The following CTNNB1 variants were observed in gnomAD, a reference collection of about 807,000 sequenced individuals.
CTNNB1 encodes catenin beta 1.
In CTNNB1, 6 loss-of-function variants were observed where a neutral mutation model predicts 82.5. The observed-to-expected ratio is 0.07, with a 90% CI of 0.04 to 0.14. The LOEUF is 0.14. Among genes scored for constraint, CTNNB1 ranks in the 10% least tolerant of loss-of-function variants. The pLI, the probability that CTNNB1 is intolerant of heterozygous loss-of-function variation, is 1.00. For missense variants in CTNNB1, 529 were observed against 980.4 expected (o/e 0.54, Z 6.15); for synonymous variants, 312 against 329.7 (o/e 0.95, Z 0.58).
intron 1 of CTNNB1, among the ~76,000 whole-genome samples, chr3:41,201,554 T>G (rs6792748): frequency 0.021 from 3,227 of 152,240 alleles, 120 homozygotes; most frequent in African/African-American, 0.075. Context: ...GCTGAGACTA[T>G]TCAAGTTTGA....
Position 41,225,488 on chromosome 3 carries a change from C to A in CTNNB1, c.650C>A (p.Thr217Asn), listed in dbSNP as rs2078155555. 2 of 1,613,882 alleles carry A rather than the reference C, an allele frequency of 1.2e-6. No individual in the cohort carries two copies. The highest frequency in any genetic ancestry group is 1.7e-5 in the Admixed American group (1 of 59,914). Residue 217 changes from threonine to asparagine, a missense_variant, in exon 5 of 15, where the codon ACC becomes AAC. Coordinates refer to ENST00000349496, the MANE Select transcript of CTNNB1 (RefSeq NM_001904.4). The surrounding 1 kb of genome is among the most constrained non-coding windows in gnomAD (Gnocchi z 5.3). Reference protein sequence around the residue: ...DVETARCTAGTLHNLSHHREG... With the variant: ...DVETARCTAGNLHNLSHHREG... ...GAAACAGCTCGTTGTACCGCTGGGA[C>A]CTTGCATAACCTTTCCCATCATCGT...
At chr3:41,215,907 G>C (rs1321716675) in intron 1 of CTNNB1, among the ~76,000 whole-genome samples, 1 of 152,144 alleles carries the variant, frequency 6.6e-6, no homozygotes, top group African/African-American at 2.4e-5. Context: ...TGTAGTCACT[G>C]TTGAAAGGAT....
At chr3:41,235,594 T>G in intron 10 of CTNNB1, 130 bp from the exon 11 acceptor site, 1 of 1,234,246 alleles carries the variant, frequency 8.1e-7, no homozygotes, top group East Asian at 2.3e-5. Context: ...GGAATCCTTC[T>G]TCCTTCCTGA....
intron 10 of CTNNB1, chr3:41,235,131 TA>T (rs906982064): frequency 6.5e-6 from 1 of 154,072 alleles, no homozygotes; most frequent in African/African-American, 2.4e-5. Flanking sequence ...TAAAAGCTGC[TA>T]AATGTAGCAG....
At chr3:41,205,568 TG>T (rs2077631551) in intron 1 of CTNNB1, among the ~76,000 whole-genome samples, 1 of 152,032 alleles carries the variant, frequency 6.6e-6, no homozygotes, top group Non-Finnish European at 1.5e-5. Flanking sequence ...CCCAGCTGCT[TG>T]GAAGTCTGAA....
intron 13 of CTNNB1, chr3:41,237,661 C>G: frequency 4.6e-6 from 1 of 217,570 alleles, no homozygotes; most frequent in Non-Finnish European, 9.0e-6. Flanking sequence ...ATAACACATC[C>G]TATCAGCAGC....
intron 9 of CTNNB1, 83 bp downstream of exon 9, chr3:41,233,950 G>C (rs775906920): frequency 3.0e-5 from 45 of 1,479,464 alleles, no homozygotes; most frequent in Non-Finnish European, 4.3e-5. Flanking sequence ...TCTAAGCATA[G>C]TGATCAATAA....
chr3:41,212,268 T>A (rs2077811668), intron 1 of CTNNB1, among the ~76,000 whole-genome samples: 1 of 152,232 alleles, frequency 6.6e-6, no homozygotes. Flanking sequence ...GCCAGATATC[T>A]GGAACTTACA....
At chr3:41,202,127 T>A (rs377709729) in intron 1 of CTNNB1, among the ~76,000 whole-genome samples, 67 of 152,350 alleles carry the variant, frequency 4.4e-4, no homozygotes, top group African/African-American at 1.4e-3. Context: ...AGCAGTGAAA[T>A]TAAATCTCCT....
rs1341814407 is a variant in CTNNB1, at chr3:41,239,562, A to G, written c.*220A>G. 5.2e-6 allele frequency: 3 copies of G among 581,496 alleles called. No individual in the cohort carries two copies. Among genetic ancestry groups the G allele is most frequent in the Non-Finnish European group, 9.2e-6 (3 of 325,884 alleles). The allele number at this position is 581,496 out of a possible 1,614,324, so 36.0% of individuals were successfully genotyped here. ...ATGTGATCATGTGTGGAAGTTATTA[A>G]CTTTAATGTTTTTTGCCACAGCTTT... On this transcript the variant is annotated 3_prime_UTR_variant, in exon 15 of 15. Transcript: ENST00000349496.
rs1431936369 is a variant in CTNNB1 at position 41,199,597 on chromosome 3, C to T, written c.-122C>T. 1 of 152,540 alleles carries T rather than the reference C, an allele frequency of 6.6e-6. No individual in the cohort carries two copies. Among genetic ancestry groups the T allele is most frequent in the African/African-American group, 2.4e-5 (1 of 41,416 alleles). The allele number at this position is 152,540 out of a possible 1,614,324, so 9.4% of individuals were successfully genotyped here. On this transcript the variant is annotated 5_prime_UTR_variant, in exon 1 of 15. Transcript: ENST00000349496. ...CGGAGGAAGGTCTGAGGAGCAGCTTCAGTCCCCGCCGAGCCGCCACCGCAG... is the reference window on the plus strand; with the variant it reads ...CGGAGGAAGGTCTGAGGAGCAGCTTTAGTCCCCGCCGAGCCGCCACCGCAG...
intron 8 of CTNNB1, 28 bp from the exon 9 acceptor site, chr3:41,233,501 T>C: frequency 6.2e-7 from 1 of 1,613,348 alleles, no homozygotes; most frequent in East Asian, 2.2e-5. Context: ...TATGTGCTTG[T>C]ACTGACCATC....
intron 1 of CTNNB1, among the ~76,000 whole-genome samples, chr3:41,216,410 A>G (rs1010610187): frequency 1.3e-5 from 2 of 152,266 alleles, no homozygotes; most frequent in African/African-American, 4.8e-5. Flanking sequence ...CTTTAACAGA[A>G]TAGGAGCTAG....
In CTNNB1 at chr3:41,227,193, T is replaced by C. The variant is rs2125627463; in HGVS notation, c.937-15T>C. On this transcript the variant is annotated splice_polypyrimidine_tract_variant and intron_variant, in intron 6 of 14. Coordinates refer to ENST00000349496, the MANE Select transcript of CTNNB1 (RefSeq NM_001904.4). ...GATTCCTTGACTAACAAGATATATA[T>C]ATATATCTTTCTAGCTCATCATACT... is the stretch of plus-strand genomic sequence containing the variant. 1 of 1,593,894 alleles carries C rather than the reference T, an allele frequency of 6.3e-7. No homozygotes were observed. Among genetic ancestry groups the C allele is most frequent in the Non-Finnish European group, 8.6e-7 (1 of 1,162,146 alleles).
chr3:41,223,554 A>ATT (rs1553629787), intron 1 of CTNNB1, among the ~76,000 whole-genome samples: 1 of 152,140 alleles, frequency 6.6e-6, no homozygotes, highest in Non-Finnish European at 1.5e-5. Flanking sequence ...TGATGGCACT[A>ATT]TATCAGAAAA....
At chr3:41,232,055 TG>T (rs1453431028) in intron 7 of CTNNB1, among the ~76,000 whole-genome samples, 1 of 152,068 alleles carries the variant, frequency 6.6e-6, no homozygotes, top group Non-Finnish European at 1.5e-5. Flanking sequence ...GCTAGAGATT[TG>T]GAAGTTTCCC....
chr3:41,202,357 G>A (rs538340490), intron 1 of CTNNB1, among the ~76,000 whole-genome samples: 1 of 152,188 alleles, frequency 6.6e-6, no homozygotes, highest in African/African-American at 2.4e-5. Context: ...AAGGATGAAG[G>A]CTTTTAGAAC....
intron 11 of CTNNB1, 41 bp downstream of exon 11, chr3:41,235,884 A>G (rs1287369234): frequency 6.2e-7 from 1 of 1,611,940 alleles, no homozygotes; most frequent in East Asian, 2.2e-5. Flanking sequence ...ATGTCCATAA[A>G]ATTTCCAGAT....
chr3:41,224,041 C>A lies in CTNNB1; in HGVS notation c.-28C>A. 2 of 1,612,552 alleles carry A rather than the reference C, an allele frequency of 1.2e-6. No homozygotes were observed. Among genetic ancestry groups the A allele is most frequent in the Non-Finnish European group, 1.7e-6 (2 of 1,178,700 alleles). The stretch of plus-strand genomic sequence containing the variant: ...TTTAGGGTATTTGAAGTATACCATA[C>A]AACTGTTTTGAAAATCCAGCGTGGA... On this transcript the variant is annotated 5_prime_UTR_variant, in exon 2 of 15. Transcript: ENST00000349496.
Sources: allele counts gnomAD v4.1 joint callset (sites outside exome capture counted in the v4.1 genomes callset), GRCh38; gene constraint gnomAD v4.1.1; non-coding constraint Gnocchi (gnomAD v3.1); transcripts MANE v1.5; gene names NCBI Gene and HGNC (gene_info 2026-07-23, HGNC 2026-07-21).